Variants in FHIT observed in about 807,000 individuals in gnomAD.
FHIT encodes bis(5'-adenosyl)-triphosphatase.
In FHIT, 19 loss-of-function variants were observed where a neutral mutation model predicts 17.9. The observed-to-expected ratio is 1.06, with a 90% CI of 0.74 to 1.56. The LOEUF (loss-of-function observed/expected upper bound fraction) is 1.56, where lower values mean the gene tolerates loss of function less well. Ranked by LOEUF, FHIT falls within the 40% of genes most tolerant of loss-of-function variation. The pLI is 0.00. For synonymous variants in FHIT, 81 were observed against 69.7 expected, an observed-to-expected ratio of 1.16 and a Z score of -0.81; for missense variants, 248 against 189.2, an observed-to-expected ratio of 1.31 and a Z score of -1.82.
At chr3:60,051,955 A>G (rs1184227097) in intron 5 of FHIT, among the ~76,000 whole-genome samples, 2 of 152,174 alleles carry the variant, frequency 1.3e-5, no homozygotes, top group Non-Finnish European at 2.9e-5. Flanking sequence ...GAATATCTCT[A>G]CAGACCCAAT....
chr3:60,545,131 A>G (rs1347145680), intron 4 of FHIT, among the ~76,000 whole-genome samples: 1 of 151,438 alleles, frequency 6.6e-6, no homozygotes, highest in African/African-American at 2.4e-5. Context: ...TTTCTTAGCC[A>G]TATATCCTTT....
intron 5 of FHIT, among the ~76,000 whole-genome samples, chr3:60,371,441 T>C (rs1700325636): frequency 6.6e-6 from 1 of 152,038 alleles, no homozygotes; most frequent in Admixed American, 6.6e-5. Flanking sequence ...CACGGCAAAC[T>C]TGAACTCCTG....
intron 4 of FHIT, among the ~76,000 whole-genome samples, chr3:60,551,607 G>A (rs1397365145): frequency 8.4e-6 from 1 of 119,370 alleles, no homozygotes; most frequent in African/African-American, 3.3e-5. Flanking sequence ...AGGAGAGGAA[G>A]AAATTAGCTG....
intron 5 of FHIT, among the ~76,000 whole-genome samples, chr3:60,497,155 T>C (rs768252839): frequency 5.4e-4 from 82 of 151,970 alleles, no homozygotes; most frequent in Admixed American, 1.8e-3. Context: ...ACAGGTAGAG[T>C]TGCTGCTAAA....
intron 1 of FHIT, among the ~76,000 whole-genome samples, chr3:61,217,626 G>A (rs1286846209): frequency 6.6e-6 from 1 of 152,130 alleles, no homozygotes; most frequent in Non-Finnish European, 1.5e-5. Flanking sequence ...CAACAGCCTT[G>A]CCGCCCTCAA....
chr3:60,858,729 A>G (rs1176906401), intron 3 of FHIT, among the ~76,000 whole-genome samples: 2 of 152,192 alleles, frequency 1.3e-5, no homozygotes, highest in Admixed American at 1.3e-4. Context: ...GGACAGAAAT[A>G]GCCATTCACT....
intron 3 of FHIT, among the ~76,000 whole-genome samples, chr3:60,851,602 C>T (rs1703156584): frequency 6.6e-6 from 1 of 152,142 alleles, no homozygotes; most frequent in Non-Finnish European, 1.5e-5. Flanking sequence ...AAGTTCAATG[C>T]ACACAAGGTG....
chr3:59,986,509 A>ATT (rs1559523233), intron 7 of FHIT, among the ~76,000 whole-genome samples: 4,789 of 14,656 alleles, frequency 0.33, 497 homozygotes, highest in Admixed American at 0.38. Flanking sequence ...ATATATATAT[A>ATT]TATATATATA....
At chr3:60,605,111 C>G (rs74677363) in intron 4 of FHIT, among the ~76,000 whole-genome samples, 3,863 of 150,168 alleles carry the variant, frequency 0.026, 140 homozygotes, top group African/African-American at 0.085. Flanking sequence ...CACACACACA[C>G]AGAGAGAGAG....
At chr3:60,578,520 T>C (rs1462344749) in intron 4 of FHIT, among the ~76,000 whole-genome samples, 6 of 151,822 alleles carry the variant, frequency 4.0e-5, no homozygotes, top group African/African-American at 1.5e-4. Context: ...CAACCTATAG[T>C]TTATCATGGG....
At chr3:60,773,320 C>T (rs1553723640) in intron 4 of FHIT, among the ~76,000 whole-genome samples, 1 of 152,126 alleles carries the variant, frequency 6.6e-6, no homozygotes, top group Non-Finnish European at 1.5e-5. Flanking sequence ...ATTAGTGTAC[C>T]CTGTAGCTCT....
At chr3:59,941,445 G>A (rs777069271) in intron 7 of FHIT, among the ~76,000 whole-genome samples, 1 of 152,060 alleles carries the variant, frequency 6.6e-6, no homozygotes, top group African/African-American at 2.4e-5. Flanking sequence ...TCTATCTCTT[G>A]TCTCATACTT....
chr3:61,179,731 A>AAAAAAAAAAAAAAAAAAAAAAAAAAT (rs2038277074), intron 2 of FHIT, among the ~76,000 whole-genome samples: 1 of 150,580 alleles, frequency 6.6e-6, no homozygotes, highest in African/African-American at 2.4e-5. Flanking sequence ...AAAAAAAAAA[A>AAAAAAAAAAAAAAAAAAAAAAAAAAT]AACCACCCAA....
intron 8 of FHIT, among the ~76,000 whole-genome samples, chr3:59,797,181 A>T (rs911027501): frequency 9.3e-5 from 14 of 150,464 alleles, no homozygotes; most frequent in African/African-American, 3.2e-4. Context: ...TATTATTTTG[A>T]TATTACAATT....
intron 4 of FHIT, among the ~76,000 whole-genome samples, chr3:60,802,340 A>G (rs1020633161): frequency 2.0e-5 from 3 of 152,202 alleles, no homozygotes; most frequent in Non-Finnish European, 2.9e-5. Context: ...CTTTATTTTC[A>G]GCTTGCAGAC....
chr3:59,813,910 G>T (rs1575537706), intron 8 of FHIT, among the ~76,000 whole-genome samples: 1 of 152,104 alleles, frequency 6.6e-6, no homozygotes, highest in Admixed American at 6.5e-5. Context: ...ATGGTAGCAG[G>T]GTGTGGGATG....
intron 3 of FHIT, among the ~76,000 whole-genome samples, chr3:60,827,755 A>T (rs1330705787): frequency 6.6e-6 from 1 of 152,208 alleles, no homozygotes; most frequent in Non-Finnish European, 1.5e-5. Context: ...GGTGATAAGA[A>T]CATCTCTCTC....
chr3:59,984,268 T>G (rs1437735090), intron 7 of FHIT, among the ~76,000 whole-genome samples: 1 of 151,992 alleles, frequency 6.6e-6, no homozygotes, highest in East Asian at 1.9e-4. Context: ...AATGGATTAT[T>G]TGAGAGATGG....
rs574150055 is a variant in FHIT at position 60,952,029 on chromosome 3, G to T, written c.-111+90018C>A. On this transcript the variant is annotated intron_variant, in intron 3 of 9. Coordinates refer to ENST00000492590, the MANE Select transcript of FHIT (RefSeq NM_002012.4). ...AAAAATACAAAAATTAGCTGGGCATGGTGGCGGGCACCTGTAATCCCAGCT... is the reference window on the plus strand; with the variant it reads ...AAAAATACAAAAATTAGCTGGGCATTGTGGCGGGCACCTGTAATCCCAGCT... Among the ~76,000 whole-genome samples, 9 of 152,170 alleles carry T rather than the reference G, an allele frequency of 5.9e-5. No individual in the cohort carries two copies. In the South Asian group the frequency reaches 1.9e-3, roughly 32 times the overall value.
Sources: allele counts gnomAD v4.1 joint callset (sites outside exome capture counted in the v4.1 genomes callset), GRCh38; gene constraint gnomAD v4.1.1; transcripts MANE v1.5; gene names NCBI Gene and HGNC (gene_info 2026-07-23, HGNC 2026-07-21).